PTPRD: variants seen among roughly 807,000 people sequenced by gnomAD.
PTPRD encodes protein tyrosine phosphatase receptor type D.
Under a neutral mutation model 214.5 loss-of-function variants are expected in PTPRD, and 34 were observed. The ratio of observed to expected loss-of-function variants is 0.16; its 90% CI spans 0.12 to 0.21. The LOEUF (loss-of-function observed/expected upper bound fraction) is 0.21, where lower values mean the gene tolerates loss of function less well. PTPRD is among the 10% of genes least tolerant of loss of function. The probability of loss-of-function intolerance (pLI) is 1.00; values close to 1 mark genes in which losing one functional copy is unlikely to be tolerated. For synonymous variants in PTPRD, 1,128 were observed against 845.7 expected (o/e 1.33, Z -5.79); for missense variants, 2,545 against 2,398.7 (o/e 1.06, Z -1.27).
chr9:9,691,479 G>A (rs2097269567), intron 7 of PTPRD, among the ~76,000 whole-genome samples: 1 of 151,894 alleles, frequency 6.6e-6, no homozygotes, highest in African/African-American at 2.4e-5. Context: ...TTCTTTTTAT[G>A]GCTGAATAGT....
chr9:10,515,584 T>G (rs987063143), intron 2 of PTPRD, among the ~76,000 whole-genome samples: 27 of 137,338 alleles, frequency 2.0e-4, no homozygotes, highest in African/African-American at 6.7e-4. Flanking sequence ...TATTTAAAAT[T>G]TGTAGTAAGA....
At chr9:10,416,695 C>T (rs902114260) in intron 2 of PTPRD, among the ~76,000 whole-genome samples, 30 of 151,498 alleles carry the variant, frequency 2.0e-4, no homozygotes, top group East Asian at 2.0e-4. Flanking sequence ...TCACATATCA[C>T]GGTATCTAGT....
intron 3 of PTPRD, among the ~76,000 whole-genome samples, chr9:10,283,993 C>G (rs73644403): frequency 0.012 from 1,883 of 152,238 alleles, 43 homozygotes; most frequent in African/African-American, 0.043. Flanking sequence ...CTGGCAAGCT[C>G]TTAGTCTTTT....
intron 21 of PTPRD, among the ~76,000 whole-genome samples, 196 bp downstream of exon 21, chr9:8,517,652 T>C (rs1187243249): frequency 6.6e-6 from 1 of 152,230 alleles, no homozygotes; most frequent in African/African-American, 2.4e-5. Context: ...GTTAATGCAT[T>C]GTTCTGCTCA....
chr9:8,499,902 T>C, intron 24 of PTPRD, 62 bp from the exon 25 acceptor site: 1 of 1,395,298 alleles, frequency 7.2e-7, no homozygotes, highest in Non-Finnish European at 9.6e-7. Flanking sequence ...TCAGAGCATT[T>C]TCTGCATTTT....
chr9:9,606,020 A>C (rs1321382356), intron 7 of PTPRD, among the ~76,000 whole-genome samples: 1 of 152,034 alleles, frequency 6.6e-6, no homozygotes, highest in Non-Finnish European at 1.5e-5. Flanking sequence ...TTGATACTAC[A>C]CAAAATGCTT....
intron 14 of PTPRD, among the ~76,000 whole-genome samples, chr9:8,627,512 AAAT>A (rs2096081400): frequency 6.6e-6 from 1 of 151,884 alleles, no homozygotes; most frequent in Non-Finnish European, 1.5e-5. Context: ...AAATTATTAA[AAAT>A]AATATTTTAA....
intron 9 of PTPRD, among the ~76,000 whole-genome samples, chr9:9,205,756 A>G (rs1593521548): frequency 6.6e-6 from 1 of 152,206 alleles, no homozygotes; most frequent in Non-Finnish European, 1.5e-5. Context: ...TCACCCATTT[A>G]TAAAAAATAT....
At chr9:8,836,637 G>C (rs1168320449) in intron 11 of PTPRD, among the ~76,000 whole-genome samples, 3 of 113,112 alleles carry the variant, frequency 2.7e-5, no homozygotes, top group African/African-American at 3.5e-5. Context: ...TCGCTCTGTT[G>C]CCAGGCTGGA....
At chr9:10,461,208 G>C (rs926341052) in intron 2 of PTPRD, among the ~76,000 whole-genome samples, 3 of 148,322 alleles carry the variant, frequency 2.0e-5, no homozygotes, top group Non-Finnish European at 3.0e-5. Context: ...TAACTGTTAG[G>C]ATAACTATTA....
chr9:10,063,707 A>G (rs765009958), intron 3 of PTPRD, among the ~76,000 whole-genome samples: 1 of 152,040 alleles, frequency 6.6e-6, no homozygotes, highest in African/African-American at 2.4e-5. Context: ...ATATTCAGAT[A>G]TAGAATCTGA....
intron 11 of PTPRD, among the ~76,000 whole-genome samples, chr9:8,877,437 A>T (rs1203982458): frequency 1.3e-5 from 2 of 152,210 alleles, no homozygotes; most frequent in African/African-American, 4.8e-5. Flanking sequence ...GGGGACTTTT[A>T]TAGTGACAGT....
chr9:10,220,039 G>A (rs1036757529), intron 3 of PTPRD, among the ~76,000 whole-genome samples: 2 of 151,680 alleles, frequency 1.3e-5, no homozygotes, highest in African/African-American at 2.4e-5. Context: ...TACACACACA[G>A]AATAACTGGT....
At position 10,529,387 on chromosome 9, in the gene PTPRD, C is replaced by T. The variant is rs543564825; in HGVS notation, c.-600+83011G>A. 4.5e-4 allele frequency among the ~76,000 whole-genome samples: 69 copies of T among 152,170 alleles called. 1 individual carries two copies. Among genetic ancestry groups the T allele is most frequent in the African/African-American group, 1.7e-3 (69 of 41,530 alleles). On this transcript the variant is annotated intron_variant, in intron 2 of 45. Coordinates refer to ENST00000381196, the MANE Select transcript of PTPRD (RefSeq NM_002839.4). ...ATATACACCATGGAATACTATTCAG[C>T]CATAAAAAAGAATGAGTTCATGTTT...
intron 8 of PTPRD, among the ~76,000 whole-genome samples, chr9:9,533,895 C>A (rs1457045243): frequency 6.6e-6 from 1 of 151,870 alleles, no homozygotes; most frequent in Non-Finnish European, 1.5e-5. Context: ...TATACTTTTC[C>A]ATATTTATCT....
chr9:10,246,590 A>G (rs2092145915), intron 3 of PTPRD, among the ~76,000 whole-genome samples: 1 of 152,186 alleles, frequency 6.6e-6, no homozygotes, highest in African/African-American at 2.4e-5. Context: ...GTTCAAATAA[A>G]CAACTACTTA....
At chr9:9,244,218 A>G (rs1304357808) in intron 9 of PTPRD, among the ~76,000 whole-genome samples, 1 of 152,146 alleles carries the variant, frequency 6.6e-6, no homozygotes, top group African/African-American at 2.4e-5. Flanking sequence ...TGCCCAAGGT[A>G]ATTTATAGAT....
At chr9:8,377,436 C>T (rs1476331827) in intron 37 of PTPRD, among the ~76,000 whole-genome samples, 4 of 151,934 alleles carry the variant, frequency 2.6e-5, no homozygotes, top group Non-Finnish European at 5.9e-5. Context: ...AAGTTTTCAG[C>T]CTAATTAGTT....
At chr9:9,049,294 A>G (rs890975587) in intron 10 of PTPRD, among the ~76,000 whole-genome samples, 2 of 152,176 alleles carry the variant, frequency 1.3e-5, no homozygotes, top group African/African-American at 4.8e-5. Context: ...GTAAGGCTTA[A>G]TTTTCTCATG....
Sources: gnomAD v4.1 joint callset for allele counts (sites outside exome capture counted in the v4.1 genomes callset) on GRCh38, gnomAD v4.1.1 for gene constraint, MANE v1.5 for transcripts, NCBI Gene and HGNC (gene_info 2026-07-23, HGNC 2026-07-21) for gene names.